Variants in HPSE2 observed in about 807,000 individuals in gnomAD.
The protein encoded by HPSE2 is inactive heparanase-2.
In HPSE2, 38 loss-of-function variants were observed where a neutral mutation model predicts 60.5. The ratio of observed to expected loss-of-function variants is 0.63; its 90% CI spans 0.48 to 0.82. The LOEUF is 0.82. HPSE2 is among the 40% of genes least tolerant of loss of function. HPSE2 has a pLI of 0.00. For synonymous variants in HPSE2, 295 were observed against 293.2 expected (o/e 1.01, Z -0.06); for missense variants, 713 against 740.4 (o/e 0.96, Z 0.43).
At chr10:99,168,432 C>A (rs1351091243) in intron 2 of HPSE2, among the ~76,000 whole-genome samples, 1 of 152,188 alleles carries the variant, frequency 6.6e-6, no homozygotes, top group Non-Finnish European at 1.5e-5. Flanking sequence ...TTGGTGAGTT[C>A]TCCCATTATT....
At chr10:98,793,615 C>T (rs1414969) in intron 3 of HPSE2, among the ~76,000 whole-genome samples, 9,776 of 152,164 alleles carry the variant, frequency 0.064, 1,012 homozygotes, top group African/African-American at 0.22. Context: ...AAACAACATA[C>T]ATTAAGATAG....
chr10:99,140,763 G>A (rs1301946642), intron 3 of HPSE2, among the ~76,000 whole-genome samples: 1 of 152,194 alleles, frequency 6.6e-6, no homozygotes, highest in African/African-American at 2.4e-5. Context: ...TTCTGGCTGG[G>A]TGCGGTGGCT....
intron 3 of HPSE2, among the ~76,000 whole-genome samples, chr10:98,890,943 C>T (rs1953318961): frequency 3.9e-5 from 6 of 152,128 alleles, no homozygotes; most frequent in Admixed American, 3.9e-4. Context: ...TTTCTTATTG[C>T]AATTTGACCA....
At chr10:98,739,253 A>G (rs1194585856) in intron 4 of HPSE2, among the ~76,000 whole-genome samples, 1 of 152,152 alleles carries the variant, frequency 6.6e-6, no homozygotes. Flanking sequence ...GTTCTCACTT[A>G]TAAGTGGGAG....
intron 3 of HPSE2, among the ~76,000 whole-genome samples, chr10:98,984,352 A>G (rs1956283633): frequency 6.6e-6 from 1 of 152,228 alleles, no homozygotes; most frequent in Non-Finnish European, 1.5e-5. Context: ...GCTGTTCTGC[A>G]GCCTCTGCTG....
At chr10:99,188,746 A>T (rs1848119254) in intron 2 of HPSE2, among the ~76,000 whole-genome samples, 1 of 152,206 alleles carries the variant, frequency 6.6e-6, no homozygotes, top group African/African-American at 2.4e-5. Flanking sequence ...AGACAGAAAA[A>T]GAGCTTTTGG....
At chr10:98,986,485 T>C (rs1956355279) in intron 3 of HPSE2, among the ~76,000 whole-genome samples, 1 of 150,606 alleles carries the variant, frequency 6.6e-6, no homozygotes, top group African/African-American at 2.4e-5. Flanking sequence ...TGGGACACAT[T>C]CAAAGCAGTG....
chr10:99,260,750 G>A, the HPSE2 span, among the ~76,000 whole-genome samples: 2 of 152,114 alleles, frequency 1.3e-5, no homozygotes, highest in African/African-American at 4.8e-5. Context: ...TGGTTTGGCT[G>A]CTCACCCACA....
intron 9 of HPSE2, among the ~76,000 whole-genome samples, chr10:98,557,913 C>T (rs1289383970): frequency 6.6e-6 from 1 of 152,148 alleles, no homozygotes; most frequent in Non-Finnish European, 1.5e-5. Context: ...CATGCCACTA[C>T]ATCTGTCAAA....
Position 98,939,587 on chromosome 10 carries a change from C to T in HPSE2, c.611-195531G>A, listed in dbSNP as rs1226994247. On this transcript the variant is annotated intron_variant, in intron 3 of 11. Coordinates refer to ENST00000370552, the MANE Select transcript of HPSE2 (RefSeq NM_021828.5). ...GAGCACCCAGATTCATGAAGCAAGT[C>T]CTGAGTGACCTACAAAGAGACTTAG... Among the ~76,000 whole-genome samples, 2 of 143,342 alleles carry T rather than the reference C, an allele frequency of 1.4e-5. 1 individual carries two copies. Among genetic ancestry groups the T allele is most frequent in the Non-Finnish European group, 3.0e-5 (2 of 67,050 alleles). 94.0% of individuals were successfully genotyped at this position (143,342 alleles called of 152,430 possible).
At chr10:98,846,283 A>G (rs1952032726) in intron 3 of HPSE2, among the ~76,000 whole-genome samples, 1 of 152,220 alleles carries the variant, frequency 6.6e-6, no homozygotes, top group Non-Finnish European at 1.5e-5. Flanking sequence ...TCCTGAGATT[A>G]TTATTCAGAT....
At chr10:98,914,362 G>C (rs1331918265) in intron 3 of HPSE2, among the ~76,000 whole-genome samples, 1 of 151,928 alleles carries the variant, frequency 6.6e-6, no homozygotes, top group Non-Finnish European at 1.5e-5. Flanking sequence ...TTGTAAATTA[G>C]TCAGCCTCGG....
At chr10:99,135,917 T>A (rs1845630233) in intron 3 of HPSE2, among the ~76,000 whole-genome samples, 1 of 151,862 alleles carries the variant, frequency 6.6e-6, no homozygotes, top group Non-Finnish European at 1.5e-5. Context: ...GATAGAGACA[T>A]GAAAAACCCT....
At chr10:99,229,808 A>G (rs1589847273) in intron 2 of HPSE2, among the ~76,000 whole-genome samples, 1 of 152,202 alleles carries the variant, frequency 6.6e-6, no homozygotes, top group East Asian at 1.9e-4. Context: ...CTTTATGCCC[A>G]AGTGCTTACT....
intron 3 of HPSE2, among the ~76,000 whole-genome samples, chr10:98,966,413 G>A (rs1955816357): frequency 1.3e-5 from 2 of 152,162 alleles, no homozygotes; most frequent in African/African-American, 4.8e-5. Flanking sequence ...GGCAGAGAAG[G>A]AGAAGCAGTT....
intron 3 of HPSE2, among the ~76,000 whole-genome samples, chr10:98,913,458 C>T (rs979309417): frequency 2.0e-5 from 3 of 152,184 alleles, no homozygotes; most frequent in Non-Finnish European, 2.9e-5. Context: ...GTGTGTAAAT[C>T]TCTATTATCT....
At chr10:99,038,447 T>C (rs1211261660) in intron 3 of HPSE2, among the ~76,000 whole-genome samples, 7 of 152,168 alleles carry the variant, frequency 4.6e-5, no homozygotes, top group Non-Finnish European at 1.0e-4. Flanking sequence ...TTCAATTATA[T>C]AACATTCTTG....
intron 3 of HPSE2, among the ~76,000 whole-genome samples, chr10:99,025,840 A>G (rs1455455052): frequency 7.9e-5 from 12 of 151,860 alleles, no homozygotes; most frequent in African/African-American, 2.9e-4. Context: ...GTATTTACCT[A>G]TGTAACAAAC....
intron 4 of HPSE2, among the ~76,000 whole-genome samples, chr10:98,732,814 C>T (rs1055609533): frequency 1.3e-5 from 2 of 151,874 alleles, no homozygotes; most frequent in African/African-American, 4.8e-5. Flanking sequence ...CTAAAAGATG[C>T]CATCAAGTTA....
Sources: gnomAD v4.1 joint callset for allele counts (sites outside exome capture counted in the v4.1 genomes callset) on GRCh38, gnomAD v4.1.1 for gene constraint, MANE v1.5 for transcripts, NCBI Gene and HGNC (gene_info 2026-07-23, HGNC 2026-07-21) for gene names.